The following RBFOX1 variants were observed in gnomAD, a reference collection of about 807,000 sequenced individuals.
RBFOX1 encodes RNA binding protein fox-1 homolog 1.
A neutral mutation model predicts 57.7 loss-of-function variants in RBFOX1; 8 were observed. The ratio of observed to expected loss-of-function variants is 0.14; its 90% CI spans 0.08 to 0.25. The LOEUF is 0.25. Ranked by LOEUF, RBFOX1 falls within the 10% of genes least tolerant of loss-of-function variation. RBFOX1 has a pLI of 1.00. For synonymous variants in RBFOX1, 326 were observed against 222.4 expected (o/e 1.47, Z -4.15); for missense variants, 611 against 548.5 (o/e 1.11, Z -1.14).
At chr16:6,754,329 G>C (rs762349106) in intron 3 of RBFOX1, among the ~76,000 whole-genome samples, 26 of 151,948 alleles carry the variant, frequency 1.7e-4, no homozygotes, top group Non-Finnish European at 3.2e-4. Flanking sequence ...AAATGGTGTT[G>C]GATATAATTA....
At chr16:7,370,411 G>A (rs974668953) in intron 4 of RBFOX1, among the ~76,000 whole-genome samples, 1 of 152,168 alleles carries the variant, frequency 6.6e-6, no homozygotes, top group Non-Finnish European at 1.5e-5. Flanking sequence ...AACTGATTCT[G>A]AATTTTCCAA....
rs528823911 is a variant in RBFOX1 at position 7,581,214 on chromosome 16, T to G, written c.414+1294T>G. Among the ~76,000 whole-genome samples, 12 of 152,306 alleles carry G rather than the reference T, an allele frequency of 7.9e-5. No individual in the cohort carries two copies. The South Asian group carries it at 2.5e-3, about 32-fold the overall frequency. On this transcript the variant is annotated intron_variant, in intron 6 of 15. Coordinates refer to ENST00000550418, the MANE Select transcript of RBFOX1 (RefSeq NM_018723.4). ...AAAGGTCAGCTCTTGCACTTTTATC[T>G]CTCTCATTTGGTAATAACCTTGAGT...
chr16:7,706,936 C>T (rs529090968), intron 14 of RBFOX1, among the ~76,000 whole-genome samples: 1 of 152,164 alleles, frequency 6.6e-6, no homozygotes, highest in Admixed American at 6.5e-5. Flanking sequence ...CACATCTGCC[C>T]TTGGACCGAT....
chr16:6,015,279 A>G (rs7201717), upstream of RBFOX1, among the ~76,000 whole-genome samples: 24,703 of 152,184 alleles, frequency 0.16, 2,601 homozygotes, highest in East Asian at 0.42. Flanking sequence ...GGAGTAATCT[A>G]CAAATCCCTG....
chr16:6,759,347 AG>A (rs1430692722), intron 3 of RBFOX1, among the ~76,000 whole-genome samples: 1 of 151,870 alleles, frequency 6.6e-6, no homozygotes, highest in Non-Finnish European at 1.5e-5. Flanking sequence ...GACAGTGTTT[AG>A]TCGTGTTGGC....
intron 3 of RBFOX1, among the ~76,000 whole-genome samples, chr16:5,679,247 C>T (rs1361486995): frequency 1.3e-5 from 2 of 152,102 alleles, no homozygotes; most frequent in African/African-American, 4.8e-5. Flanking sequence ...ATCTGAACCT[C>T]ATGCTTCTCT....
chr16:5,388,566 G>C (rs775676516), intron 1 of RBFOX1, among the ~76,000 whole-genome samples: 26 of 152,078 alleles, frequency 1.7e-4, no homozygotes, highest in Admixed American at 5.2e-4. Context: ...GTTTCTGTGT[G>C]TGTGTATGTA....
At chr16:5,914,511 C>G (rs12928074) in intron 4 of RBFOX1, among the ~76,000 whole-genome samples, 43,171 of 151,936 alleles carry the variant, frequency 0.28, 6,680 homozygotes, top group East Asian at 0.48. Context: ...GTTGGCCAGC[C>G]TCAGTTCCCC....
chr16:5,594,540 G>A (rs1457462489), intron 2 of RBFOX1, among the ~76,000 whole-genome samples: 2 of 152,222 alleles, frequency 1.3e-5, no homozygotes, highest in Admixed American at 6.5e-5. Context: ...CATCTGGAAA[G>A]GCGGGAGAAC....
At chr16:5,805,146 C>G (rs1052719969) in intron 3 of RBFOX1, among the ~76,000 whole-genome samples, 8 of 151,964 alleles carry the variant, frequency 5.3e-5, no homozygotes, top group Non-Finnish European at 1.5e-5. Flanking sequence ...TTGAGGAGAC[C>G]TGGGCTGGGT....
chr16:7,340,985 C>G (rs182862269), intron 4 of RBFOX1, among the ~76,000 whole-genome samples: 1 of 152,288 alleles, frequency 6.6e-6, no homozygotes, highest in African/African-American at 2.4e-5. Context: ...GGATTTCACA[C>G]TCTCTGCTGC....
At chr16:7,141,197 G>C (rs2073682790) in intron 4 of RBFOX1, among the ~76,000 whole-genome samples, 1 of 152,126 alleles carries the variant, frequency 6.6e-6, no homozygotes, top group Non-Finnish European at 1.5e-5. Flanking sequence ...TGGGGAGGAG[G>C]CCGGGAAATA....
intron 4 of RBFOX1, among the ~76,000 whole-genome samples, chr16:5,984,970 A>AT (rs2060254625): frequency 3.8e-5 from 2 of 53,188 alleles, no homozygotes; most frequent in African/African-American, 1.8e-4. Context: ...ATATATATAT[A>AT]TATATATTTT....
intron 3 of RBFOX1, among the ~76,000 whole-genome samples, chr16:6,909,201 C>A (rs182603420): frequency 2.0e-5 from 3 of 152,148 alleles, no homozygotes; most frequent in Non-Finnish European, 2.9e-5. Flanking sequence ...TAGTTTCCTC[C>A]CTTTGCCGGT....
At chr16:7,169,659 C>T (rs977513305) in intron 4 of RBFOX1, among the ~76,000 whole-genome samples, 4 of 152,170 alleles carry the variant, frequency 2.6e-5, no homozygotes, top group African/African-American at 9.7e-5. Context: ...ATGACAGAAC[C>T]AAATTTTGGT....
chr16:5,394,538 T>G (rs2066497142), intron 1 of RBFOX1, among the ~76,000 whole-genome samples: 1 of 151,644 alleles, frequency 6.6e-6, no homozygotes, highest in African/African-American at 2.4e-5. Context: ...TTGTCTTGTC[T>G]TCTCTTCTCT....
intron 3 of RBFOX1, among the ~76,000 whole-genome samples, chr16:6,716,866 C>G (rs1005989482): frequency 6.6e-6 from 1 of 152,158 alleles, no homozygotes; most frequent in Non-Finnish European, 1.5e-5. Flanking sequence ...ATGTTTGTAT[C>G]CTTCCAAAAT....
chr16:6,875,435 T>C (rs1235001533), intron 3 of RBFOX1, among the ~76,000 whole-genome samples: 1 of 152,194 alleles, frequency 6.6e-6, no homozygotes, highest in African/African-American at 2.4e-5. Flanking sequence ...GTGTGGCTTC[T>C]TCCCAGGACT....
intron 4 of RBFOX1, among the ~76,000 whole-genome samples, chr16:7,413,068 AAAAAT>A (rs912271292): frequency 2.6e-5 from 4 of 151,972 alleles, no homozygotes; most frequent in African/African-American, 7.2e-5. Flanking sequence ...AAATAAAAAT[AAAAAT>A]AAAATAAAAA....
Sources: allele counts gnomAD v4.1 joint callset (sites outside exome capture counted in the v4.1 genomes callset), GRCh38; gene constraint gnomAD v4.1.1; transcripts MANE v1.5; gene names NCBI Gene and HGNC (gene_info 2026-07-23, HGNC 2026-07-21).